The following EFNA5 variants were observed in gnomAD, a reference collection of about 807,000 sequenced individuals.
EFNA5 encodes the protein ephrin-A5.
A neutral mutation model predicts 22.9 loss-of-function variants in EFNA5; 5 were observed. The ratio of observed to expected loss-of-function variants is 0.22; its 90% CI spans 0.11 to 0.46. The LOEUF is 0.46. Among genes scored for constraint, EFNA5 ranks in the 20% least tolerant of loss-of-function variants. EFNA5 has a pLI of 0.99. For synonymous variants in EFNA5, 113 were observed against 112.2 expected, an observed-to-expected ratio of 1.01 and a Z score of -0.04; for missense variants, 237 against 293.3, an observed-to-expected ratio of 0.81 and a Z score of 1.40.
chr5:107,496,680 G>C (rs928571741), intron 1 of EFNA5, among the ~76,000 whole-genome samples: 1 of 152,224 alleles, frequency 6.6e-6, no homozygotes, highest in African/African-American at 2.4e-5. Flanking sequence ...GTTGGGGCTT[G>C]CTAAGCAATA....
rs200683095 is a variant in EFNA5 at position 107,509,996 on chromosome 5, G to A, written c.126-82487C>T. Among the ~76,000 whole-genome samples, 7 of 152,262 alleles carry A rather than the reference G, an allele frequency of 4.6e-5. No homozygotes were observed. The East Asian group carries it at 1.4e-3, about 29-fold the overall frequency. ...CACAGCAACTCCATCTTGAATAAGG[G>A]CTATGTAAAATGAGGCTGAGAGCTA... On this transcript the variant is annotated intron_variant, in intron 1 of 4. Coordinates refer to ENST00000333274, the MANE Select transcript of EFNA5 (RefSeq NM_001962.3).
chr5:107,400,624 GT>G (rs1259279764), intron 2 of EFNA5, among the ~76,000 whole-genome samples: 8 of 152,210 alleles, frequency 5.3e-5, no homozygotes, highest in African/African-American at 1.9e-4. Flanking sequence ...ATCTAACATA[GT>G]GCTTGGCACA....
intron 1 of EFNA5, among the ~76,000 whole-genome samples, chr5:107,439,923 G>C (rs1749212691): frequency 6.6e-6 from 1 of 152,134 alleles, no homozygotes; most frequent in African/African-American, 2.4e-5. Context: ...GAAACCACGA[G>C]GTACTTTGTT....
chr5:107,506,563 T>TGAGCAG lies in EFNA5; in HGVS notation c.126-79060_126-79055dup, dbSNP rs1281583404. Among the ~76,000 whole-genome samples the TGAGCAG allele has an allele frequency of 7.2e-5, 11 of 152,262 alleles. No homozygotes were observed. In the East Asian group the frequency reaches 9.7e-4, roughly 13 times the overall value. ...AGAGGAGAGGCAATCTGGGGCCAGA[T>TGAGCAG]GAGCAGGAGCAGGAGCAGGGGATTT... On this transcript the variant is annotated intron_variant, in intron 1 of 4. Transcript: ENST00000333274.
At chr5:107,423,688 C>A (rs1748734163) in intron 2 of EFNA5, among the ~76,000 whole-genome samples, 1 of 152,090 alleles carries the variant, frequency 6.6e-6, no homozygotes, top group Admixed American at 6.6e-5. Context: ...CTTTAGTATG[C>A]CAATCTCTTA....
chr5:107,658,534 T>C (rs1454110104), intron 1 of EFNA5, among the ~76,000 whole-genome samples: 2 of 152,200 alleles, frequency 1.3e-5, no homozygotes, highest in Middle Eastern at 3.2e-3. Flanking sequence ...TTAGGCATTC[T>C]GGGCTTCTTA....
chr5:107,399,561 G>A (rs1456073528), intron 2 of EFNA5, among the ~76,000 whole-genome samples: 2 of 152,172 alleles, frequency 1.3e-5, no homozygotes, highest in African/African-American at 4.8e-5. Flanking sequence ...GAATCCAAGT[G>A]ACCATGGGCT....
intron 1 of EFNA5, among the ~76,000 whole-genome samples, chr5:107,428,591 G>A (rs11242636): frequency 0.18 from 27,628 of 152,138 alleles, 2,750 homozygotes; most frequent in South Asian, 0.33. Context: ...AAATCATGGT[G>A]GAAAAGCGTA....
At chr5:107,471,576 T>C (rs1259126587) in intron 1 of EFNA5, among the ~76,000 whole-genome samples, 1 of 152,232 alleles carries the variant, frequency 6.6e-6, no homozygotes, top group African/African-American at 2.4e-5. Flanking sequence ...AAATTCATGC[T>C]AGTCAGTTGA....
intron 1 of EFNA5, among the ~76,000 whole-genome samples, chr5:107,587,962 G>A (rs147011434): frequency 6.6e-6 from 1 of 152,258 alleles, no homozygotes; most frequent in Non-Finnish European, 1.5e-5. Flanking sequence ...AGGCTCTATG[G>A]TGCCAGGCAC....
chr5:107,612,373 C>A (rs191083570), intron 1 of EFNA5, among the ~76,000 whole-genome samples: 1 of 152,012 alleles, frequency 6.6e-6, no homozygotes, highest in Non-Finnish European at 1.5e-5. Context: ...TATATGGCCT[C>A]CTCTGAACTC....
At chr5:107,388,978 A>G (rs1747714583) in intron 2 of EFNA5, among the ~76,000 whole-genome samples, 1 of 152,172 alleles carries the variant, frequency 6.6e-6, no homozygotes, top group African/African-American at 2.4e-5. Context: ...CAGTCTCCTT[A>G]TGTAATTCTA....
chr5:107,428,873 C>CA (rs1166737925), intron 1 of EFNA5, among the ~76,000 whole-genome samples: 2 of 152,146 alleles, frequency 1.3e-5, no homozygotes, highest in South Asian at 2.1e-4. Flanking sequence ...CCTGGAATTA[C>CA]AAAAAACAAA....
chr5:107,551,063 C>T (rs1478813987), intron 1 of EFNA5, among the ~76,000 whole-genome samples: 1 of 152,158 alleles, frequency 6.6e-6, no homozygotes, highest in Non-Finnish European at 1.5e-5. Flanking sequence ...CAGGTGATGA[C>T]CTAAGAGCTT....
intron 1 of EFNA5, among the ~76,000 whole-genome samples, chr5:107,432,359 C>A (rs1381197213): frequency 6.6e-5 from 10 of 152,246 alleles, no homozygotes; most frequent in Admixed American, 6.5e-4. Context: ...CCAATATTTA[C>A]AAATGCCATG....
In EFNA5 at chr5:107,378,795, C is replaced by A. The variant is rs1479765797; in HGVS notation, c.*2460G>T. On this transcript the variant is annotated 3_prime_UTR_variant, in exon 5 of 5. Transcript: ENST00000333274. ...TTGTTAGAGACAAATGCTAGGAAAA[C>A]CACAGAAGTCACCATTTCTAAAATG... 4 of 152,202 alleles carry A rather than the reference C, an allele frequency of 2.6e-5. No homozygotes were observed. Among genetic ancestry groups the A allele is most frequent in the Middle Eastern group, 3.4e-3 (1 of 294 alleles). The allele number at this position is 152,202 out of a possible 1,614,324, so 9.4% of individuals were successfully genotyped here. A position where few individuals can be genotyped will look rare whatever the true frequency, so the allele number is the denominator to read the frequency against.
chr5:107,417,335 A>G (rs943687452), intron 2 of EFNA5, among the ~76,000 whole-genome samples: 79 of 152,292 alleles, frequency 5.2e-4, no homozygotes, highest in African/African-American at 1.8e-3. Context: ...GAATGAATTA[A>G]TTTTTTTGTG....
At chr5:107,559,341 T>C (rs901728500) in intron 1 of EFNA5, among the ~76,000 whole-genome samples, 2 of 152,222 alleles carry the variant, frequency 1.3e-5, no homozygotes, top group African/African-American at 4.8e-5. Flanking sequence ...GACTCTTTCA[T>C]ATATATCTGT....
chr5:107,417,993 AC>A (rs1443543751), intron 2 of EFNA5, among the ~76,000 whole-genome samples: 1 of 152,146 alleles, frequency 6.6e-6, no homozygotes. Flanking sequence ...TCAGAGAGTA[AC>A]CTTTCACTCT....
Sources: allele counts gnomAD v4.1 joint callset (sites outside exome capture counted in the v4.1 genomes callset), GRCh38; gene constraint gnomAD v4.1.1; transcripts MANE v1.5; gene names NCBI Gene and HGNC (gene_info 2026-07-23, HGNC 2026-07-21).